PRC1: variants seen among roughly 807,000 people sequenced by gnomAD.
The protein encoded by PRC1 is protein regulator of cytokinesis 1, also known as anaphase spindle elongation 1 homolog.
PRC1 carries 54 observed loss-of-function variants against 91.2 expected under a neutral mutation model. The ratio of observed to expected loss-of-function variants is 0.59; its 90% CI spans 0.48 to 0.74. The LOEUF is 0.74. Ranked by LOEUF, PRC1 falls within the 30% of genes least tolerant of loss-of-function variation. The pLI, the probability that PRC1 is intolerant of heterozygous loss-of-function variation, is 0.00. For missense variants in PRC1, 727 were observed against 746.2 expected, an observed-to-expected ratio of 0.97 and a Z score of 0.30; for synonymous variants, 275 against 263.6, an observed-to-expected ratio of 1.04 and a Z score of -0.42.
chr15:90,988,872 T>G (rs915435701), intron 1 of PRC1, among the ~76,000 whole-genome samples: 65 of 152,170 alleles, frequency 4.3e-4, no homozygotes, highest in African/African-American at 1.5e-3. Flanking sequence ...CTAACCTACC[T>G]AACCTAATAG....
chr15:90,973,980 CT>C, intron 11 of PRC1, 155 bp downstream of exon 11: 1 of 632,850 alleles, frequency 1.6e-6, no homozygotes, highest in South Asian at 1.9e-5. Context: ...ACTGTTCTTT[CT>C]CTATACTTTG....
chr15:90,992,123 T>G (rs140386676), intron 1 of PRC1, among the ~76,000 whole-genome samples: 2 of 152,236 alleles, frequency 1.3e-5, no homozygotes, highest in African/African-American at 4.8e-5. Context: ...CCCTTTTCCT[T>G]CTTAGGTCTT....
intron 1 of PRC1, among the ~76,000 whole-genome samples, chr15:90,989,681 A>G (rs533659734): frequency 1.1e-3 from 163 of 152,284 alleles, no homozygotes; most frequent in Non-Finnish European, 1.8e-3. Context: ...AAAGTGAAAA[A>G]AAAAATACAA....
chr15:90,994,294 C>T, intron 1 of PRC1, 113 bp downstream of exon 1: 1 of 1,517,556 alleles, frequency 6.6e-7, no homozygotes, highest in South Asian at 1.2e-5. Flanking sequence ...CGCCGACTGC[C>T]GTGACGATCT....
chr15:90,974,857 GC>G lies in PRC1; in HGVS notation c.1204-127del. 1 of 1,093,878 alleles carries G rather than the reference GC, an allele frequency of 9.1e-7. No homozygotes were observed. The highest frequency in any genetic ancestry group is 1.4e-6 in the Non-Finnish European group (1 of 735,810). The allele number at this position is 1,093,878 out of a possible 1,614,324, so 67.8% of individuals were successfully genotyped here. The stretch of plus-strand genomic sequence containing the variant: ...CATTAGCCTCATTTCAGGTAGCTGG[GC>G]CCACATGGGTACAGGTCAGAGTGAC... On this transcript the variant is annotated intron_variant, in intron 9 of 14. Coordinates refer to ENST00000394249, the MANE Select transcript of PRC1 (RefSeq NM_003981.4). The surrounding 1 kb of genome is among the most constrained non-coding windows in gnomAD (Gnocchi z 4.6).
intron 7 of PRC1, 132 bp downstream of exon 7, chr15:90,980,110 G>C (rs996823458): frequency 1.8e-6 from 2 of 1,137,854 alleles, no homozygotes; most frequent in African/African-American, 1.6e-5. Flanking sequence ...TTTTGGCTGG[G>C]TGTGGTGGCC....
At chr15:90,977,911 CTTG>C (rs1175120540) in intron 8 of PRC1, among the ~76,000 whole-genome samples, 7 of 152,092 alleles carry the variant, frequency 4.6e-5, no homozygotes, top group South Asian at 2.1e-4. Flanking sequence ...GTTTACTCTT[CTTG>C]TTGTAACCAG....
chr15:90,991,671 C>T (rs904754446), intron 1 of PRC1, among the ~76,000 whole-genome samples: 49 of 151,776 alleles, frequency 3.2e-4, no homozygotes, highest in African/African-American at 6.8e-4. Context: ...CTTATATGCC[C>T]GCCATTAGCA....
chr15:90,967,235 C>G, intron 14 of PRC1, 33 bp from the exon 15 acceptor site: 1 of 1,562,812 alleles, frequency 6.4e-7, no homozygotes, highest in Non-Finnish European at 8.8e-7. Flanking sequence ...AGTGGCCATA[C>G]TGCCTCTCTT....
Position 90,974,217 on chromosome 15 carries a change from T to C in PRC1, c.1380A>G (p.Thr460=). ...GAGGAGCGCTGCCATACAGCATCTC[T>C]GTCTCTGTCTGTTTTTTGTTCTTCA... The part of the protein sequence containing the change: ...RQLKNKKQTE[T]EMLYGSAPRT... Residue 460 remains threonine (T), a synonymous_variant, in exon 11 of 15, where the codon ACA becomes ACG. Coordinates refer to ENST00000394249, the MANE Select transcript of PRC1 (RefSeq NM_003981.4). The surrounding 1 kb of genome is among the most constrained non-coding windows in gnomAD (Gnocchi z 4.6). The C allele has an allele frequency of 6.2e-7, 1 of 1,614,188 alleles. No homozygotes were observed. The highest frequency in any genetic ancestry group is 8.5e-7 in the Non-Finnish European group (1 of 1,180,016).
intron 9 of PRC1, 53 bp downstream of exon 9, chr15:90,976,623 A>G: frequency 1.5e-6 from 2 of 1,367,968 alleles, no homozygotes; most frequent in Non-Finnish European, 2.1e-6. Flanking sequence ...AGACATACAA[A>G]TAGTGAGGTA....
At position 90,990,391 on chromosome 15, in the gene PRC1, A is replaced by T. The variant is rs868616287; in HGVS notation, c.11+4016T>A. Among the ~76,000 whole-genome samples, 104 of 141,854 alleles carry T rather than the reference A, an allele frequency of 7.3e-4. 1 individual carries two copies. In the Middle Eastern group the frequency reaches 0.015, roughly 21 times the overall value. The allele number at this position is 141,854 out of a possible 152,430, so 93.1% of individuals were successfully genotyped here. A position where few individuals can be genotyped will look rare whatever the true frequency, so the allele number is the denominator to read the frequency against. ...AAATAAATAAATAAATAAATAAATA[A>T]TTTTTTTTTTTTTTTTAAGAGGTAG... On this transcript the variant is annotated intron_variant, in intron 1 of 14. Transcript: ENST00000394249.
Position 90,978,753 on chromosome 15 carries a change from CAAAAAAAAAAA to C in PRC1, c.1107+394_1107+404del, listed in dbSNP as rs869065052. Among the ~76,000 whole-genome samples the C allele has an allele frequency of 1.3e-4, 5 of 39,708 alleles. No individual in the cohort carries two copies. The Admixed American group carries it at 2.0e-3, about 16-fold the overall frequency. 26.0% of individuals were successfully genotyped at this position (39,708 alleles called of 152,430 possible). A position where few individuals can be genotyped will look rare whatever the true frequency, so the allele number is the denominator to read the frequency against. On this transcript the variant is annotated intron_variant, in intron 8 of 14. Coordinates refer to ENST00000394249, the MANE Select transcript of PRC1 (RefSeq NM_003981.4). ...GGGCAACAAGAGCGAAACTCCACCT[CAAAAAAAAAAA>C]AAAAAAAAAAAAAAGTGCCATCAGG...
intron 14 of PRC1, chr15:90,968,541 C>A: frequency 1.0e-6 from 1 of 990,604 alleles, no homozygotes; most frequent in African/African-American, 1.7e-5. Flanking sequence ...AAGTGAAGAG[C>A]ATTCTGGAAA....
rs2038752523 is a variant in PRC1, at chr15:90,976,909, T to C, written c.1108-138A>G. On this transcript the variant is annotated intron_variant, in intron 8 of 14. Transcript: ENST00000394249. ...ACTTTGGGAGGCCGAGGCGAGTGGA[T>C]CACCTGAGGTCGACAGTTCCAGACC... The C allele has an allele frequency of 9.8e-6, 6 of 610,816 alleles. No homozygotes were observed. In the South Asian group the frequency reaches 1.1e-4, roughly 12 times the overall value. The allele number at this position is 610,816 out of a possible 1,614,324, so 37.8% of individuals were successfully genotyped here. A position where few individuals can be genotyped will look rare whatever the true frequency, so the allele number is the denominator to read the frequency against.
In PRC1 at chr15:90,974,103, T is replaced by G. The variant is rs2038434338; in HGVS notation, c.1461+33A>C. Reference sequence around the variant, plus strand: ...CTGGGACTACCCTCACCCACTCCCTTGAAATCAGTGTTTCCCTAAGCCTTG... The same window carrying G: ...CTGGGACTACCCTCACCCACTCCCTGGAAATCAGTGTTTCCCTAAGCCTTG... On this transcript the variant is annotated intron_variant, in intron 11 of 14. Transcript: ENST00000394249. The surrounding 1 kb of genome is among the most constrained non-coding windows in gnomAD (Gnocchi z 4.6). 33 of 1,587,510 alleles carry G rather than the reference T, an allele frequency of 2.1e-5. No homozygotes were observed. The highest frequency in any genetic ancestry group is 5.4e-5 in the African/African-American group (4 of 74,478).
intron 1 of PRC1, among the ~76,000 whole-genome samples, chr15:90,990,263 G>A (rs1177408862): frequency 6.6e-6 from 1 of 151,756 alleles, no homozygotes; most frequent in Non-Finnish European, 1.5e-5. Context: ...TTGAATCCGG[G>A]AGGTGGAGGT....
intron 1 of PRC1, 47 bp downstream of exon 1, chr15:90,994,360 G>A (rs778483939): frequency 1.2e-5 from 19 of 1,611,662 alleles, no homozygotes; most frequent in Non-Finnish European, 1.4e-5. Context: ...CAGCCGAAAC[G>A]AGCGTCGCTC....
At chr15:90,989,952 A>G (rs1387228748) in intron 1 of PRC1, among the ~76,000 whole-genome samples, 2 of 151,960 alleles carry the variant, frequency 1.3e-5, no homozygotes, top group African/African-American at 4.8e-5. Context: ...TGCAGCCCCA[A>G]CTTCCTAGGC....
Sources: allele counts gnomAD v4.1 joint callset (sites outside exome capture counted in the v4.1 genomes callset), GRCh38; gene constraint gnomAD v4.1.1; non-coding constraint Gnocchi (gnomAD v3.1); transcripts MANE v1.5; gene names NCBI Gene and HGNC (gene_info 2026-07-23, HGNC 2026-07-21).